Variants in EIPR1 observed in about 807,000 individuals in gnomAD.
The protein encoded by EIPR1 is EARP complex and GARP complex interacting protein 1, also known as EARP and GARP complex-interacting protein 1.
A neutral mutation model predicts 48.1 loss-of-function variants in EIPR1; 25 were observed. The ratio of observed to expected loss-of-function variants is 0.52; its 90% CI spans 0.38 to 0.73. The LOEUF (loss-of-function observed/expected upper bound fraction) is 0.73. Among genes scored for constraint, EIPR1 ranks in the 30% least tolerant of loss-of-function variants. The pLI, the probability that EIPR1 is intolerant of heterozygous loss-of-function variation, is 0.00. For missense variants in EIPR1, 415 were observed against 506.2 expected (o/e 0.82, Z 1.73); for synonymous variants, 204 against 201.9 (o/e 1.01, Z -0.09).
At chr2:3,268,618 C>G (rs1340525453) in intron 3 of EIPR1, among the ~76,000 whole-genome samples, 3 of 152,162 alleles carry the variant, frequency 2.0e-5, no homozygotes, top group African/African-American at 7.2e-5. Context: ...CTGCCCAGAC[C>G]AATACAGCCT....
At chr2:3,216,437 A>G (rs1049910120) in intron 4 of EIPR1, among the ~76,000 whole-genome samples, 3 of 152,214 alleles carry the variant, frequency 2.0e-5, no homozygotes, top group Non-Finnish European at 4.4e-5. Context: ...AGTGTACGTC[A>G]GCACCAAGAC....
chr2:3,288,882 T>G (rs1401862312), intron 3 of EIPR1, among the ~76,000 whole-genome samples: 2 of 152,182 alleles, frequency 1.3e-5, no homozygotes, highest in Non-Finnish European at 2.9e-5. Context: ...GAGGGCCAGG[T>G]GATGGCCTCG....
rs574095443 is a variant in EIPR1, at chr2:3,240,725, G to A, written c.416+16574C>T. 1.8e-4 allele frequency among the ~76,000 whole-genome samples: 27 copies of A among 146,858 alleles called. 1 individual carries two copies. The highest frequency in any genetic ancestry group is 6.8e-4 in the African/African-American group (27 of 39,542). On this transcript the variant is annotated intron_variant, in intron 4 of 8. Transcript: ENST00000382125. ...GCCAGCAGATCCCTCCTAAAGCAAA[G>A]CCAGCAGATCCCTCCTAAAGCAAAG... is the stretch of plus-strand genomic sequence containing the variant.
At chr2:3,272,750 G>A (rs1213603320) in intron 3 of EIPR1, among the ~76,000 whole-genome samples, 5 of 152,298 alleles carry the variant, frequency 3.3e-5, no homozygotes, top group East Asian at 3.9e-4. Context: ...AGAGTGGGAC[G>A]TGCTGTTAAA....
intron 1 of EIPR1, among the ~76,000 whole-genome samples, chr2:3,371,641 T>C (rs879296576): frequency 6.6e-6 from 1 of 152,194 alleles, no homozygotes; most frequent in Admixed American, 6.5e-5. Flanking sequence ...AAGAAGCCCA[T>C]TACTTAAGGG....
chr2:3,256,836 C>T (rs1032344410), intron 4 of EIPR1, among the ~76,000 whole-genome samples: 1 of 152,248 alleles, frequency 6.6e-6, no homozygotes, highest in Non-Finnish European at 1.5e-5. Flanking sequence ...GAATGACACA[C>T]CACATGCCGG....
At position 3,286,980 on chromosome 2, in the gene EIPR1, GCACA is replaced by G; in HGVS notation, c.260-29529_260-29526del. Among the ~76,000 whole-genome samples the G allele has an allele frequency of 6.8e-6, 1 of 147,204 alleles. No homozygotes were observed. Among genetic ancestry groups the G allele is most frequent in the South Asian group, 2.2e-4 (1 of 4,592 alleles). On this transcript the variant is annotated intron_variant, in intron 3 of 8. Transcript: ENST00000382125. This position sits in a 1 kb window ranked among gnomAD's most constrained non-coding sequence, Gnocchi z 4.2. The stretch of plus-strand genomic sequence containing the variant: ...CAGCCGGCAGAGGGGGCGGTGGGGA[GCACA>G]CAGAGTGCCAGCCGGCAGAGGCGGC...
At chr2:3,220,072 A>G (rs538536199) in intron 4 of EIPR1, among the ~76,000 whole-genome samples, 2 of 152,186 alleles carry the variant, frequency 1.3e-5, no homozygotes, top group Non-Finnish European at 2.9e-5. Flanking sequence ...CACACTCCTT[A>G]TGAGAATCTA....
intron 3 of EIPR1, among the ~76,000 whole-genome samples, chr2:3,305,096 C>T (rs1269786627): frequency 5.5e-5 from 8 of 145,882 alleles, no homozygotes; most frequent in African/African-American, 1.8e-4. Flanking sequence ...CCACTCCCAA[C>T]CAGTTCAGCC....
chr2:3,286,677 G>A lies in EIPR1; in HGVS notation c.260-29222C>T, dbSNP rs899828542. ...AGCACCCGAGACAGCGGCTGGCAGA[G>A]CACAGGCAGCAATGCCCCAGAGGAA... On this transcript the variant is annotated intron_variant, in intron 3 of 8. Transcript: ENST00000382125. This position sits in a 1 kb window ranked among gnomAD's most constrained non-coding sequence, Gnocchi z 4.2. 7.9e-5 allele frequency among the ~76,000 whole-genome samples: 12 copies of A among 152,362 alleles called. No individual in the cohort carries two copies. Among genetic ancestry groups the A allele is most frequent in the African/African-American group, 2.6e-4 (11 of 41,586 alleles).
rs183177333 is a variant in EIPR1 at position 3,260,452 on chromosome 2, C to T, written c.260-2997G>A. Among the ~76,000 whole-genome samples, 695 of 122,020 alleles carry T rather than the reference C, an allele frequency of 5.7e-3. 9 individuals carry two copies. The highest frequency in any genetic ancestry group is 0.027 in the Middle Eastern group (5 of 186). 80.0% of individuals were successfully genotyped at this position (122,020 alleles called of 152,430 possible). On this transcript the variant is annotated intron_variant, in intron 3 of 8. Transcript: ENST00000382125. ...GTTGCAGTGAGCTAAGATTGTGCCA[C>T]TGCACTACAACCTGGGCAACACAGC...
intron 3 of EIPR1, among the ~76,000 whole-genome samples, chr2:3,264,274 A>G (rs1667421906): frequency 6.6e-6 from 1 of 151,942 alleles, no homozygotes; most frequent in Non-Finnish European, 1.5e-5. Context: ...TCCACTCAAG[A>G]CCTCTAGGTT....
intron 1 of EIPR1, among the ~76,000 whole-genome samples, chr2:3,376,231 T>A (rs577902089): frequency 5.3e-5 from 8 of 152,312 alleles, no homozygotes; most frequent in African/African-American, 1.9e-4. Context: ...TTTAATTTCA[T>A]AACAGCCATG....
At chr2:3,314,315 A>G (rs1159628197) in intron 3 of EIPR1, among the ~76,000 whole-genome samples, 2 of 152,158 alleles carry the variant, frequency 1.3e-5, no homozygotes, top group African/African-American at 2.4e-5. Flanking sequence ...TCCTGAGGCC[A>G]GGGCTTGCTC....
At chr2:3,299,927 A>C (rs1008746971) in intron 3 of EIPR1, among the ~76,000 whole-genome samples, 1 of 152,148 alleles carries the variant, frequency 6.6e-6, no homozygotes, top group African/African-American at 2.4e-5. Flanking sequence ...CAGACTCAGC[A>C]AATTTATGAC....
At chr2:3,265,448 A>G (rs912104589) in intron 3 of EIPR1, among the ~76,000 whole-genome samples, 1 of 152,112 alleles carries the variant, frequency 6.6e-6, no homozygotes, top group Non-Finnish European at 1.5e-5. Context: ...AGTGTTCAAC[A>G]CACATCCAGC....
rs1307415459 is a variant in EIPR1 at position 3,242,238 on chromosome 2, ATGGG to A, written c.416+15057_416+15060del. ...GATTTCAGGCCCCCGACTCCACACC[ATGGG>A]CCCGGCAGCAGCCACTGACGGCTGG... is the stretch of plus-strand genomic sequence containing the variant. On this transcript the variant is annotated intron_variant, in intron 4 of 8. Transcript: ENST00000382125. Among the ~76,000 whole-genome samples, 30 of 140,798 alleles carry A rather than the reference ATGGG, an allele frequency of 2.1e-4. 1 individual carries two copies. The highest frequency in any genetic ancestry group is 3.0e-4 in the Non-Finnish European group (19 of 62,612). The allele number at this position is 140,798 out of a possible 152,430, so 92.4% of individuals were successfully genotyped here. A position where few individuals can be genotyped will look rare whatever the true frequency, so the allele number is the denominator to read the frequency against.
chr2:3,289,024 T>G (rs1303017656), intron 3 of EIPR1, among the ~76,000 whole-genome samples: 1 of 152,204 alleles, frequency 6.6e-6, no homozygotes, highest in Non-Finnish European at 1.5e-5. Flanking sequence ...GGCTTTCAAA[T>G]CCATGACGCT....
At chr2:3,248,575 CA>C (rs1037452933) in intron 4 of EIPR1, among the ~76,000 whole-genome samples, 1 of 151,512 alleles carries the variant, frequency 6.6e-6, no homozygotes, top group Non-Finnish European at 1.5e-5. Flanking sequence ...GCCTGGGCAA[CA>C]GACCAAGACT....
Sources: gnomAD v4.1 joint callset for allele counts (sites outside exome capture counted in the v4.1 genomes callset) on GRCh38, gnomAD v4.1.1 for gene constraint, Gnocchi (gnomAD v3.1) non-coding constraint, MANE v1.5 for transcripts, NCBI Gene and HGNC (gene_info 2026-07-23, HGNC 2026-07-21) for gene names.